The following DRAM2 variants were observed in gnomAD, a reference collection of about 807,000 sequenced individuals.
DRAM2 encodes the protein DNA damage regulated autophagy modulator 2.
DRAM2 carries 26 observed loss-of-function variants against 33.5 expected under a neutral mutation model. That is an observed-to-expected ratio of 0.78 (90% CI 0.57 to 1.08). The LOEUF (loss-of-function observed/expected upper bound fraction) is 1.08, where lower values mean the gene tolerates loss of function less well. Among genes scored for constraint, DRAM2 ranks in the 50% least tolerant of loss-of-function variants. DRAM2 has a pLI of 0.00. For missense variants in DRAM2, 311 were observed against 318.1 expected (o/e 0.98, Z 0.17); for synonymous variants, 98 against 109.5 (o/e 0.89, Z 0.66).
chr1:111,126,972 T>C (rs1557891680), intron 4 of DRAM2, among the ~76,000 whole-genome samples: 1 of 152,190 alleles, frequency 6.6e-6, no homozygotes, highest in Non-Finnish European at 1.5e-5. Flanking sequence ...CATGCCTGTC[T>C]TTCAGGGCAG....
At chr1:111,132,680 CTCTTT>C (rs771780067) in intron 3 of DRAM2, among the ~76,000 whole-genome samples, 1 of 135,522 alleles carries the variant, frequency 7.4e-6, no homozygotes, top group South Asian at 2.5e-4. Flanking sequence ...GTTTTTCTTC[CTCTTT>C]TTTTTTTTTT....
intron 6 of DRAM2, 29 bp from the exon 7 acceptor site, chr1:111,120,722 A>G (rs1649893086): frequency 6.9e-7 from 1 of 1,455,814 alleles, no homozygotes; most frequent in Non-Finnish European, 9.1e-7. Flanking sequence ...AAATACGTCA[A>G]TAAAAGAAAC....
Position 111,118,279 on chromosome 1 carries a change from A to C in DRAM2, c.694-12T>G, listed in dbSNP as rs1649321906. On this transcript the variant is annotated splice_polypyrimidine_tract_variant and intron_variant, in intron 9 of 9. Transcript: ENST00000484310. ...CGTAAAGAAATTTTCTGGAACAGAA[A>C]AGAAAATTATATATAGAAGTTTGCT... 3 of 1,588,844 alleles carry C rather than the reference A, an allele frequency of 1.9e-6. No homozygotes were observed.
rs150664826 is a variant in DRAM2, at chr1:111,117,312, A to T, written c.*848T>A. 6.6e-5 allele frequency: 10 copies of T among 152,264 alleles called. No individual in the cohort carries two copies. In the East Asian group the frequency reaches 1.5e-3, roughly 23 times the overall value. 9.4% of individuals were successfully genotyped at this position (152,264 alleles called of 1,614,324 possible). A position where few individuals can be genotyped will look rare whatever the true frequency, so the allele number is the denominator to read the frequency against. On this transcript the variant is annotated 3_prime_UTR_variant, in exon 10 of 10. Transcript: ENST00000484310. The stretch of plus-strand genomic sequence containing the variant: ...TGTAATTATAACTTGCCATAAATGA[A>T]AATCTAAGAAGCTCTTGAGTATGGT...
Position 111,118,037 on chromosome 1 carries a change from C to A in DRAM2, c.*123G>T. 1 of 800,654 alleles carries A rather than the reference C, an allele frequency of 1.2e-6. No homozygotes were observed. Among genetic ancestry groups the A allele is most frequent in the Non-Finnish European group, 2.1e-6 (1 of 472,274 alleles). The allele number at this position is 800,654 out of a possible 1,614,324, so 49.6% of individuals were successfully genotyped here. ...TTCATGTTTCCTGATTATCAGCATT[C>A]ATCAGTGTTACTGTCAGCCTTGATT... On this transcript the variant is annotated 3_prime_UTR_variant, in exon 10 of 10. Coordinates refer to ENST00000484310, the MANE Select transcript of DRAM2 (RefSeq NM_001349884.2).
At chr1:111,118,773 G>A (rs760201244) in intron 9 of DRAM2, 32 bp downstream of exon 9, 5 of 1,531,324 alleles carry the variant, frequency 3.3e-6, no homozygotes, top group Non-Finnish European at 3.6e-6. Context: ...AAGGAAGTCT[G>A]ACTGAATAAA....
At chr1:111,130,427 T>C (rs1651809845) in intron 4 of DRAM2, among the ~76,000 whole-genome samples, 1 of 152,182 alleles carries the variant, frequency 6.6e-6, no homozygotes, top group Admixed American at 6.5e-5. Flanking sequence ...TCTACGAGGC[T>C]GGGCACAGTG....
chr1:111,132,228 A>G (rs1487947783), intron 3 of DRAM2, among the ~76,000 whole-genome samples: 1 of 152,180 alleles, frequency 6.6e-6, no homozygotes, highest in Non-Finnish European at 1.5e-5. Flanking sequence ...GGGTTCAGAG[A>G]GCTTCTAGAT....
Position 111,124,847 on chromosome 1 carries a change from A to G in DRAM2, c.234T>C (p.Val78=). The G allele has an allele frequency of 1.9e-6, 3 of 1,613,338 alleles. No individual in the cohort carries two copies. The highest frequency in any genetic ancestry group is 2.5e-6 in the Non-Finnish European group (3 of 1,179,634). The stretch of plus-strand genomic sequence containing the variant: ...CGTTCTCTTCAGGACTCAGAGCATG[A>G]ACTTGCTTATAACGAACATAAATGG... ...IATIYVRYKQ[V]HALSPEENVI... is the part of the protein sequence containing the mutation. The change falls in exon 6 of 10, where the codon GTT becomes GTC. Residue 78 remains valine (V), a synonymous_variant. Transcript: ENST00000484310.
At chr1:111,126,122 C>G (rs1212391108) in intron 5 of DRAM2, 105 bp downstream of exon 5, 1 of 723,194 alleles carries the variant, frequency 1.4e-6, no homozygotes, top group Non-Finnish European at 2.5e-6. Flanking sequence ...ATAACATACT[C>G]TCAAGTATAA....
chr1:111,130,149 A>T (rs900316099), intron 4 of DRAM2, among the ~76,000 whole-genome samples: 83 of 152,228 alleles, frequency 5.5e-4, no homozygotes, highest in African/African-American at 2.0e-3. Flanking sequence ...ATTCGTTGTG[A>T]GATTTCAAAA....
intron 3 of DRAM2, among the ~76,000 whole-genome samples, chr1:111,136,012 C>T (rs76153869): frequency 2.6e-5 from 4 of 152,302 alleles, no homozygotes; most frequent in African/African-American, 4.8e-5. Context: ...AAAGTCCTCA[C>T]ATGCTGTCAC....
chr1:111,139,357 T>G (rs1654001994), intron 2 of DRAM2, 144 bp downstream of exon 2: 1 of 152,226 alleles, frequency 6.6e-6, no homozygotes, highest in African/African-American at 2.4e-5. Flanking sequence ...ATTTCCTTTC[T>G]GTGTGGGACC....
At chr1:111,135,150 G>A (rs887058876) in intron 3 of DRAM2, among the ~76,000 whole-genome samples, 5 of 152,144 alleles carry the variant, frequency 3.3e-5, no homozygotes, top group Non-Finnish European at 7.3e-5. Context: ...TGTGGGGCAA[G>A]GTGCTTCTCC....
chr1:111,118,968 A>G, intron 8 of DRAM2, 71 bp from the exon 9 acceptor site: 1 of 997,962 alleles, frequency 1.0e-6, no homozygotes, highest in South Asian at 2.1e-5. Flanking sequence ...TGTTTCAAAT[A>G]AAAAACACAC....
At chr1:111,126,094 A>G (rs1650951378) in intron 5 of DRAM2, 133 bp downstream of exon 5, 2 of 621,226 alleles carry the variant, frequency 3.2e-6, no homozygotes, top group African/African-American at 3.7e-5. Flanking sequence ...GAGCATAATT[A>G]TGATCAATTA....
rs1336887831 is a variant in DRAM2 at position 111,126,290 on chromosome 1, T to C, written c.136A>G (p.Thr46Ala). ...CATTTTTCTGGAGCTACTGTACCAGTGTCACTGAAAGAAAAAAAGGAAGGT... is the reference window on the plus strand; with the variant it reads ...CATTTTTCTGGAGCTACTGTACCAGCGTCACTGAAAGAAAAAAAGGAAGGT... ...IDPALPYISD[T>A]GTVAPEKCLF... Residue 46 changes from threonine (T) to alanine (A), a missense_variant, in exon 5 of 10, where the codon ACT becomes GCT. Physicochemically the swap from Thr to Ala is moderately conservative, Grantham distance 58. Coordinates refer to ENST00000484310, the MANE Select transcript of DRAM2 (RefSeq NM_001349884.2). The C allele has an allele frequency of 1.2e-6, 2 of 1,605,210 alleles. No homozygotes were observed. The highest frequency in any genetic ancestry group is 2.2e-5 in the East Asian group (1 of 44,706).
intron 2 of DRAM2, among the ~76,000 whole-genome samples, chr1:111,138,636 T>C (rs973065617): frequency 4.6e-5 from 7 of 152,066 alleles, no homozygotes; most frequent in Non-Finnish European, 8.8e-5. Flanking sequence ...ATACAAAAAT[T>C]AGCTGGGCGT....
Position 111,118,098 on chromosome 1 carries a change from T to A in DRAM2, c.*62A>T. ...AAATTTCAGAGAAGAATAAGCAACT[T>A]CTGTGAACCTTTCCCCAATCCCTGA... On this transcript the variant is annotated 3_prime_UTR_variant, in exon 10 of 10. Transcript: ENST00000484310. 1 of 1,523,904 alleles carries A rather than the reference T, an allele frequency of 6.6e-7. No individual in the cohort carries two copies. Among genetic ancestry groups the A allele is most frequent in the Non-Finnish European group, 9.1e-7 (1 of 1,099,478 alleles). 94.4% of individuals were successfully genotyped at this position (1,523,904 alleles called of 1,614,324 possible).
Sources: allele counts gnomAD v4.1 joint callset (sites outside exome capture counted in the v4.1 genomes callset), GRCh38; gene constraint gnomAD v4.1.1; transcripts MANE v1.5; gene names NCBI Gene and HGNC (gene_info 2026-07-23, HGNC 2026-07-21).